ABLIM1: variants seen among roughly 807,000 people sequenced by gnomAD.
The protein encoded by ABLIM1 is actin binding LIM protein 1.
In ABLIM1, 40 loss-of-function variants were observed where a neutral mutation model predicts 107.0. The ratio of observed to expected loss-of-function variants is 0.37; its 90% confidence interval spans 0.29 to 0.49. ABLIM1 has a LOEUF of 0.49. ABLIM1 is among the 20% of genes least tolerant of loss of function. The probability of loss-of-function intolerance (pLI) is 0.97; values close to 1 mark genes in which losing one functional copy is unlikely to be tolerated. For synonymous variants in ABLIM1, 357 were observed against 357.3 expected, an observed-to-expected ratio of 1.00 and a Z score of 0.01; for missense variants, 857 against 1,008.5, an observed-to-expected ratio of 0.85 and a Z score of 2.04.
At chr10:114,529,506 T>C (rs1332056134) in intron 6 of ABLIM1, among the ~76,000 whole-genome samples, 1 of 152,200 alleles carries the variant, frequency 6.6e-6, no homozygotes, top group Non-Finnish European at 1.5e-5. Flanking sequence ...CTATGTCTTC[T>C]GGGATGGGGT....
At chr10:114,447,471 T>A (rs2061188556) in intron 15 of ABLIM1, among the ~76,000 whole-genome samples, 1 of 152,158 alleles carries the variant, frequency 6.6e-6, no homozygotes, top group Non-Finnish European at 1.5e-5. Context: ...TAAAACAAAT[T>A]TAACTGAAAG....
rs1040849027 is a variant in ABLIM1, at chr10:114,707,037, T to C, written c.-213+61024A>G. Among the ~76,000 whole-genome samples, 3 of 152,212 alleles carry C rather than the reference T, an allele frequency of 2.0e-5. No individual in the cohort carries two copies. The East Asian group carries it at 5.8e-4, about 29-fold the overall frequency. On this transcript the variant is annotated intron_variant, in intron 1 of 15. Transcript: ENST00000651092. This position sits in a 1 kb window ranked among gnomAD's most constrained non-coding sequence, Gnocchi z 4.1. ...ATACAAATAATGTAATTTAAATTTG[T>C]CTAGTAACTACATTAGAAAGGTAAA...
At chr10:114,472,219 A>G (rs2066723542) in intron 10 of ABLIM1, among the ~76,000 whole-genome samples, 1 of 152,166 alleles carries the variant, frequency 6.6e-6, no homozygotes, top group South Asian at 2.1e-4. Flanking sequence ...TCATCACCCT[A>G]TCTGTTTTAC....
chr10:114,786,868 G>A, the ABLIM1 span, among the ~76,000 whole-genome samples: 2 of 152,170 alleles, frequency 1.3e-5, no homozygotes, highest in East Asian at 1.9e-4. Context: ...CCAGCAGCCT[G>A]CCTTGGCCTC....
the ABLIM1 span, among the ~76,000 whole-genome samples, chr10:114,795,941 A>G: frequency 6.6e-6 from 1 of 152,144 alleles, no homozygotes; most frequent in African/African-American, 2.4e-5. Flanking sequence ...GCCTATAAAA[A>G]AGCCAAACTA....
At chr10:114,768,278 G>C (rs2082955687), upstream of ABLIM1, among the ~76,000 whole-genome samples, 2 of 146,534 alleles carry the variant, frequency 1.4e-5, no homozygotes, top group African/African-American at 4.9e-5. Context: ...CGCCGGGCGC[G>C]GCAGCGCTGA....
At chr10:114,647,457 T>C (rs886811974) in intron 1 of ABLIM1, among the ~76,000 whole-genome samples, 1 of 152,084 alleles carries the variant, frequency 6.6e-6, no homozygotes, top group African/African-American at 2.4e-5. Context: ...AAAAGACCAA[T>C]ATGAAACAGA....
At chr10:114,636,452 C>T (rs1403965771) in intron 1 of ABLIM1, among the ~76,000 whole-genome samples, 1 of 152,280 alleles carries the variant, frequency 6.6e-6, no homozygotes, top group East Asian at 1.9e-4. Context: ...TGTTTCCAAC[C>T]ATATTGCCTC....
At chr10:114,519,954 G>T (rs765700707) in intron 6 of ABLIM1, among the ~76,000 whole-genome samples, 1 of 152,238 alleles carries the variant, frequency 6.6e-6, no homozygotes, top group Non-Finnish European at 1.5e-5. Context: ...GACCAGTCTG[G>T]CAAGGCTGCA....
chr10:114,468,733 G>GA (rs1480836934), intron 10 of ABLIM1, among the ~76,000 whole-genome samples: 5 of 151,866 alleles, frequency 3.3e-5, no homozygotes, highest in Non-Finnish European at 7.4e-5. Flanking sequence ...GTTCCGGGGA[G>GA]ATTCTGGTGC....
chr10:114,799,754 T>C, the ABLIM1 span, among the ~76,000 whole-genome samples: 2 of 152,182 alleles, frequency 1.3e-5, no homozygotes, highest in Non-Finnish European at 2.9e-5. Flanking sequence ...CACAGTCTAT[T>C]TGCCACATGG....
chr10:114,752,763 C>T (rs1470939795), intron 1 of ABLIM1, among the ~76,000 whole-genome samples: 2 of 152,224 alleles, frequency 1.3e-5, no homozygotes, highest in East Asian at 3.8e-4. Flanking sequence ...CTGAAAAGGA[C>T]ATGATCTCAT....
intron 12 of ABLIM1, among the ~76,000 whole-genome samples, chr10:114,455,235 A>G (rs950523146): frequency 6.6e-6 from 1 of 152,194 alleles, no homozygotes; most frequent in African/African-American, 2.4e-5. Context: ...ACTGAGTCAA[A>G]TTTAGATTTC....
intron 6 of ABLIM1, among the ~76,000 whole-genome samples, chr10:114,517,638 G>A (rs574933832): frequency 3.9e-5 from 6 of 152,202 alleles, no homozygotes; most frequent in African/African-American, 1.2e-4. Context: ...GTACAATGTG[G>A]GTCTGTACTT....
intron 1 of ABLIM1, among the ~76,000 whole-genome samples, chr10:114,625,291 C>G (rs1053562629): frequency 1.3e-5 from 2 of 152,148 alleles, no homozygotes; most frequent in East Asian, 3.9e-4. Context: ...AGTGAAAAAC[C>G]TACTGTTCTT....
At chr10:114,646,489 C>G (rs1020835176) in intron 1 of ABLIM1, among the ~76,000 whole-genome samples, 1 of 152,182 alleles carries the variant, frequency 6.6e-6, no homozygotes, top group East Asian at 1.9e-4. Context: ...ATCAAAGATA[C>G]CTAAACTAAG....
chr10:114,557,641 G>C (rs1056461571), intron 4 of ABLIM1, among the ~76,000 whole-genome samples: 12 of 143,182 alleles, frequency 8.4e-5, no homozygotes, highest in African/African-American at 2.8e-4. Flanking sequence ...TTCTGGACTT[G>C]AAACTGACCC....
chr10:114,602,016 G>T (rs2139987428), intron 1 of ABLIM1, 55 bp from the exon 2 acceptor site: 1 of 1,603,092 alleles, frequency 6.2e-7, no homozygotes. Flanking sequence ...CTGCAAAAGG[G>T]GTCATCATGG....
Position 114,619,416 on chromosome 10 carries a change from C to T in ABLIM1, c.245-17455G>A, listed in dbSNP as rs1203403756. Among the ~76,000 whole-genome samples, 2 of 151,988 alleles carry T rather than the reference C, an allele frequency of 1.3e-5. No individual in the cohort carries two copies. Among genetic ancestry groups the T allele is most frequent in the African/African-American group, 2.4e-5 (1 of 41,390 alleles). On this transcript the variant is annotated intron_variant, in intron 1 of 22. Coordinates refer to ENST00000533213, the MANE Select transcript of ABLIM1 (RefSeq NM_002313.7). The surrounding 1 kb of genome is among the most constrained non-coding windows in gnomAD (Gnocchi z 4.1). ...TTCACTATGTTGCCCAGGCTGGTCTCGAACTCCTGACCTCAAACAATTCAC... is the reference window on the plus strand; with the variant it reads ...TTCACTATGTTGCCCAGGCTGGTCTTGAACTCCTGACCTCAAACAATTCAC...
Sources: gnomAD v4.1 joint callset for allele counts (sites outside exome capture counted in the v4.1 genomes callset) on GRCh38, gnomAD v4.1.1 for gene constraint, Gnocchi (gnomAD v3.1) non-coding constraint, MANE v1.5 for transcripts, NCBI Gene and HGNC (gene_info 2026-07-23, HGNC 2026-07-21) for gene names.